Variants in OCA2 observed in about 807,000 individuals in gnomAD.
OCA2 encodes the protein OCA2 melanosomal transmembrane protein.
Under a neutral mutation model 100.2 loss-of-function variants are expected in OCA2, and 77 were observed. The ratio of observed to expected loss-of-function variants is 0.77; its 90% CI spans 0.64 to 0.93. The LOEUF (loss-of-function observed/expected upper bound fraction) is 0.93. Ranked by LOEUF, OCA2 falls within the 40% of genes least tolerant of loss-of-function variation. The pLI, the probability that OCA2 is intolerant of heterozygous loss-of-function variation, is 0.00. For missense variants in OCA2, 1,062 were observed against 1,089.1 expected, an observed-to-expected ratio of 0.98 and a Z score of 0.35; for synonymous variants, 432 against 439.2, an observed-to-expected ratio of 0.98 and a Z score of 0.21.
At chr15:27,778,678 G>A (rs989467276) in intron 23 of OCA2, among the ~76,000 whole-genome samples, 2 of 152,070 alleles carry the variant, frequency 1.3e-5, no homozygotes, top group South Asian at 2.1e-4. Flanking sequence ...CAGGGCCCTC[G>A]TCCTTCCCAC....
intron 19 of OCA2, among the ~76,000 whole-genome samples, chr15:27,884,328 T>C (rs2037140112): frequency 6.6e-6 from 1 of 152,164 alleles, no homozygotes; most frequent in African/African-American, 2.4e-5. Context: ...TGAACCGAAA[T>C]CGCACCACTG....
At chr15:27,761,885 C>T (rs927043991) in intron 23 of OCA2, among the ~76,000 whole-genome samples, 4 of 152,064 alleles carry the variant, frequency 2.6e-5, no homozygotes, top group Admixed American at 2.0e-4. Flanking sequence ...AGCGCATTGG[C>T]GTCATCACAG....
rs2141897549 is a variant in OCA2 at position 28,081,752 on chromosome 15, T to C, written c.123A>G (p.Gly41=). The C allele has an allele frequency of 6.2e-7, 1 of 1,613,388 alleles. No individual in the cohort carries two copies. Among genetic ancestry groups the C allele is most frequent in the Non-Finnish European group, 8.5e-7 (1 of 1,179,878 alleles). ...LVAGKRRLPR[G]AGGADPSHSC... ...AGTGCGAGGGGTCAGCTCCACCGGC[T>C]CCCCGAGGAAGCCTGCGCTTGCCGG... The change falls in exon 2 of 24, where the codon GGA becomes GGG. Residue 41 remains glycine, a synonymous_variant. Coordinates refer to ENST00000354638, the MANE Select transcript of OCA2 (RefSeq NM_000275.3).
chr15:27,758,960 G>A (rs2030612565), intron 23 of OCA2, among the ~76,000 whole-genome samples: 1 of 151,988 alleles, frequency 6.6e-6, no homozygotes, highest in African/African-American at 2.4e-5. Flanking sequence ...TTAAGAAGCT[G>A]GGAAAATCCT....
In OCA2 at chr15:27,957,707, G is replaced by A. The variant is rs1402057832; in HGVS notation, c.1665C>T (p.Arg555=). The A allele has an allele frequency of 6.2e-7, 1 of 1,613,170 alleles. No individual in the cohort carries two copies. Among genetic ancestry groups the A allele is most frequent in the Non-Finnish European group, 8.5e-7 (1 of 1,180,014 alleles). ...VELKHEIHVW[R]LTAQRISPAS... The stretch of plus-strand genomic sequence containing the variant: ...CCGGGCTGATGCGCTGAGCAGTCAG[G>A]CGCCAGACGTGAATCTCGTGCTTCA... Residue 555 remains arginine, a synonymous_variant, in exon 16 of 24, where the codon CGC becomes CGT. Coordinates refer to ENST00000354638, the MANE Select transcript of OCA2 (RefSeq NM_000275.3). This position sits in a 1 kb window ranked among gnomAD's most constrained non-coding sequence, Gnocchi z 4.3.
intron 19 of OCA2, among the ~76,000 whole-genome samples, chr15:27,910,326 A>T (rs1432604553): frequency 6.6e-6 from 1 of 152,190 alleles, no homozygotes; most frequent in Non-Finnish European, 1.5e-5. Context: ...TGACTCTGTG[A>T]TCTGACTTCT....
chr15:27,883,542 G>A (rs1233267364), intron 19 of OCA2, among the ~76,000 whole-genome samples: 1 of 152,146 alleles, frequency 6.6e-6, no homozygotes, highest in Non-Finnish European at 1.5e-5. Context: ...CTAGAGTCCT[G>A]GGACCTCACG....
At chr15:28,078,987 G>A (rs1172367008) in intron 2 of OCA2, among the ~76,000 whole-genome samples, 7 of 152,156 alleles carry the variant, frequency 4.6e-5, no homozygotes, top group African/African-American at 1.7e-4. Context: ...AAGGGGACAC[G>A]GCAGGCTACA....
chr15:27,770,922 CCT>C, intron 23 of OCA2, among the ~76,000 whole-genome samples: 1 of 124,994 alleles, frequency 8.0e-6, no homozygotes, highest in East Asian at 2.1e-4. Context: ...CTCCTCCCTC[CCT>C]CTTTTCCTTT....
chr15:28,027,994 G>C lies in OCA2; in HGVS notation c.392C>G (p.Ser131Cys), dbSNP rs759691635. ...ITAEESWEDSSADWERRYLLS... is the reference protein window; with the variant it reads ...ITAEESWEDSCADWERRYLLS... ...CAGGTATCTTCGCTCCCAGTCAGCA[G>C]AGCTGTCTTCCCAAGACTCTTCAGC... The change falls in exon 4 of 24, where the codon TCT becomes TGT. Residue 131 changes from serine (S) to cysteine (C), a missense_variant. Ser to Cys is a moderately radical substitution (Grantham distance 112). Transcript: ENST00000354638. 1 of 1,614,240 alleles carries C rather than the reference G, an allele frequency of 6.2e-7. No individual in the cohort carries two copies. Among genetic ancestry groups the C allele is most frequent in the Non-Finnish European group, 8.5e-7 (1 of 1,180,034 alleles).
intron 21 of OCA2, among the ~76,000 whole-genome samples, chr15:27,860,748 T>C (rs1253769252): frequency 2.0e-5 from 3 of 152,196 alleles, no homozygotes; most frequent in Admixed American, 1.3e-4. Flanking sequence ...GTGAGTAGCA[T>C]AGTGATGGAC....
chr15:27,812,605 C>T (rs185076828), intron 23 of OCA2, among the ~76,000 whole-genome samples: 82 of 152,278 alleles, frequency 5.4e-4, no homozygotes, highest in Non-Finnish European at 9.7e-4. Context: ...TCCCATGGGA[C>T]TGTCATTTTA....
intron 2 of OCA2, among the ~76,000 whole-genome samples, chr15:28,064,044 T>C (rs1244990054): frequency 6.6e-6 from 1 of 152,178 alleles, no homozygotes; most frequent in Non-Finnish European, 1.5e-5. Context: ...TCCCTCATTT[T>C]TGAAGGGCAG....
chr15:27,900,676 G>A (rs1427088606), intron 19 of OCA2, among the ~76,000 whole-genome samples: 1 of 152,176 alleles, frequency 6.6e-6, no homozygotes, highest in Non-Finnish European at 1.5e-5. Context: ...AGCAGACAAG[G>A]AGAGTCCCTC....
chr15:27,911,093 C>A (rs953066788), intron 19 of OCA2, among the ~76,000 whole-genome samples: 6 of 152,172 alleles, frequency 3.9e-5, no homozygotes, highest in African/African-American at 9.7e-5. Flanking sequence ...GAGAGTGATA[C>A]TTCCTTTCAT....
intron 2 of OCA2, among the ~76,000 whole-genome samples, chr15:28,033,920 G>A (rs1318231283): frequency 6.6e-6 from 1 of 152,078 alleles, no homozygotes; most frequent in Non-Finnish European, 1.5e-5. Flanking sequence ...GTGGTCTAGG[G>A]GAGCTGAGTG....
intron 21 of OCA2, among the ~76,000 whole-genome samples, chr15:27,856,200 G>A (rs1479762435): frequency 6.6e-6 from 1 of 152,102 alleles, no homozygotes; most frequent in Non-Finnish European, 1.5e-5. Context: ...TTGGATTAGG[G>A]CCCACCCTGG....
At chr15:27,974,490 G>A (rs754403683) in intron 14 of OCA2, among the ~76,000 whole-genome samples, 1 of 152,190 alleles carries the variant, frequency 6.6e-6, no homozygotes, top group Non-Finnish European at 1.5e-5. Flanking sequence ...ATCAAGGCCG[G>A]GCATGGCGGC....
intron 19 of OCA2, among the ~76,000 whole-genome samples, chr15:27,913,885 A>AAGAAAG (rs1567098249): frequency 5.4e-5 from 3 of 55,184 alleles, no homozygotes; most frequent in African/African-American, 2.4e-4. Flanking sequence ...GAAAGAAAGA[A>AAGAAAG]AGAAAGAAAG....
Sources: allele counts gnomAD v4.1 joint callset (sites outside exome capture counted in the v4.1 genomes callset), GRCh38; gene constraint gnomAD v4.1.1; non-coding constraint Gnocchi (gnomAD v3.1); transcripts MANE v1.5; gene names NCBI Gene and HGNC (gene_info 2026-07-23, HGNC 2026-07-21).